Variants in MED1 observed in about 807,000 individuals in gnomAD.
The protein encoded by MED1 is mediator complex subunit 1.
In MED1, 17 loss-of-function variants were observed where a neutral mutation model predicts 121.3. The observed-to-expected ratio is 0.14, with a 90% CI of 0.10 to 0.21. The LOEUF is 0.21. Among genes scored for constraint, MED1 ranks in the 10% least tolerant of loss-of-function variants. The pLI is 1.00. For synonymous variants in MED1, 661 were observed against 694.4 expected (o/e 0.95, Z 0.76); for missense variants, 1,558 against 1,919.4 (o/e 0.81, Z 3.52).
At chr17:39,424,032 G>C (rs187002998) in intron 11 of MED1, among the ~76,000 whole-genome samples, 8 of 151,940 alleles carry the variant, frequency 5.3e-5, no homozygotes, top group Non-Finnish European at 1.0e-4. Context: ...ACAGGTGCCC[G>C]CCACCACGCC....
rs2048487493 is a variant in MED1 at position 39,423,615 on chromosome 17, TG to T, written c.976+81del. 3 of 1,580,374 alleles carry T rather than the reference TG, an allele frequency of 1.9e-6. No individual in the cohort carries two copies. In the East Asian group the frequency reaches 6.7e-5, roughly 35 times the overall value. ...AATACTTCAATGAGGCATGTAAGAC[TG>T]AAAGACGTCATGATAACCTGACTTT... On this transcript the variant is annotated intron_variant, in intron 12 of 16. Transcript: ENST00000300651.
At chr17:39,443,871 G>C (rs1444132537) in intron 2 of MED1, among the ~76,000 whole-genome samples, 1 of 152,122 alleles carries the variant, frequency 6.6e-6, no homozygotes. Context: ...GCTCATGCCT[G>C]TAATTCTAGC....
At chr17:39,417,943 A>C (rs1349226042) in intron 14 of MED1, among the ~76,000 whole-genome samples, 1 of 151,838 alleles carries the variant, frequency 6.6e-6, no homozygotes, top group East Asian at 1.9e-4. Context: ...TGATGGTGAA[A>C]CCCCATCTCT....
intron 2 of MED1, among the ~76,000 whole-genome samples, chr17:39,445,023 G>T (rs2048713526): frequency 6.6e-6 from 1 of 152,070 alleles, no homozygotes; most frequent in Non-Finnish European, 1.5e-5. Flanking sequence ...TTTCCATGTT[G>T]CAAATAAATC....
At chr17:39,418,506 C>A (rs1237783382) in intron 14 of MED1, among the ~76,000 whole-genome samples, 5 of 151,370 alleles carry the variant, frequency 3.3e-5, no homozygotes, top group African/African-American at 1.2e-4. Flanking sequence ...GTGGTTCAGT[C>A]TGGGCAACAG....
Position 39,405,421 on chromosome 17 carries a change from A to C in MED1, c.*2054T>G. 2 of 1,426,686 alleles carry C rather than the reference A, an allele frequency of 1.4e-6. No homozygotes were observed. Among genetic ancestry groups the C allele is most frequent in the Non-Finnish European group, 9.3e-7 (1 of 1,081,010 alleles). The allele number at this position is 1,426,686 out of a possible 1,614,324, so 88.4% of individuals were successfully genotyped here. A position where few individuals can be genotyped will look rare whatever the true frequency, so the allele number is the denominator to read the frequency against. Reference sequence around the variant, plus strand: ...TACTATTCAGTACATTCCCCCTAAGATTCTCCCCACTCAGAACAAATTTTA... The same window carrying C: ...TACTATTCAGTACATTCCCCCTAAGCTTCTCCCCACTCAGAACAAATTTTA... On this transcript the variant is annotated 3_prime_UTR_variant, in exon 17 of 17. Transcript: ENST00000300651.
chr17:39,448,130 T>C (rs1335653777), intron 1 of MED1, among the ~76,000 whole-genome samples: 1 of 150,350 alleles, frequency 6.7e-6, no homozygotes. Context: ...CTGTTATCTA[T>C]CCACCTTTTT....
At chr17:39,431,257 G>T in intron 8 of MED1, 69 bp from the exon 9 acceptor site, 1 of 1,239,976 alleles carries the variant, frequency 8.1e-7, no homozygotes, top group South Asian at 1.3e-5. Flanking sequence ...CTGTGATATT[G>T]AGTTCACCTC....
At position 39,424,496 on chromosome 17, in the gene MED1, A is replaced by G. The variant is rs992105683; in HGVS notation, c.851+131T>C. 10 of 617,300 alleles carry G rather than the reference A, an allele frequency of 1.6e-5. No homozygotes were observed. The African/African-American group carries it at 1.9e-4, about 12-fold the overall frequency. The allele number at this position is 617,300 out of a possible 1,614,324, so 38.2% of individuals were successfully genotyped here. A position where few individuals can be genotyped will look rare whatever the true frequency, so the allele number is the denominator to read the frequency against. On this transcript the variant is annotated intron_variant, in intron 11 of 16. Coordinates refer to ENST00000300651, the MANE Select transcript of MED1 (RefSeq NM_004774.4). ...ACACTCAGATATCAAACAAAAGAGA[A>G]ACCAATGAATGGATAAAACAAAAGG...
chr17:39,405,009 AATAC>A lies in MED1; in HGVS notation c.*2462_*2465del. ...AGAAGAGGAATCAGGTCAAACTGAG[AATAC>A]ATAAGACACCAGCAGCAGAAGATAG... is the stretch of plus-strand genomic sequence containing the variant. On this transcript the variant is annotated 3_prime_UTR_variant, in exon 17 of 17. Coordinates refer to ENST00000300651, the MANE Select transcript of MED1 (RefSeq NM_004774.4). 1 of 504,340 alleles carries A rather than the reference AATAC, an allele frequency of 2.0e-6. No individual in the cohort carries two copies. The highest frequency in any genetic ancestry group is 3.4e-6 in the Non-Finnish European group (1 of 294,158). The allele number at this position is 504,340 out of a possible 1,614,324, so 31.2% of individuals were successfully genotyped here. A position where few individuals can be genotyped will look rare whatever the true frequency, so the allele number is the denominator to read the frequency against.
intron 2 of MED1, among the ~76,000 whole-genome samples, chr17:39,444,405 G>A (rs916827411): frequency 2.6e-5 from 4 of 152,028 alleles, no homozygotes; most frequent in African/African-American, 7.2e-5. Context: ...TACTCAGCAG[G>A]CTGAGGCAGG....
chr17:39,441,976 G>A (rs531395199), intron 3 of MED1, among the ~76,000 whole-genome samples: 2 of 151,092 alleles, frequency 1.3e-5, no homozygotes, highest in East Asian at 2.0e-4. Flanking sequence ...GGTAATGGGC[G>A]CCTGTAATCC....
intron 11 of MED1, 121 bp from the exon 12 acceptor site, chr17:39,423,942 G>C: frequency 8.4e-7 from 1 of 1,192,844 alleles, no homozygotes; most frequent in Non-Finnish European, 1.1e-6. Flanking sequence ...GAGTGCAATG[G>C]CGTGATCTTG....
chr17:39,440,707 A>C lies in MED1; in HGVS notation c.212-30T>G. On this transcript the variant is annotated intron_variant, in intron 3 of 16. Coordinates refer to ENST00000300651, the MANE Select transcript of MED1 (RefSeq NM_004774.4). The surrounding 1 kb of genome is among the most constrained non-coding windows in gnomAD (Gnocchi z 4.1). ...AAAAGGATGAAAAAAGGAGTCACAA[A>C]GAATGCTCCAAATGACTTAAATGAT... is the stretch of plus-strand genomic sequence containing the variant. The C allele has an allele frequency of 6.3e-7, 1 of 1,579,600 alleles. No individual in the cohort carries two copies. Among genetic ancestry groups the C allele is most frequent in the East Asian group, 2.2e-5 (1 of 44,726 alleles).
intron 6 of MED1, among the ~76,000 whole-genome samples, chr17:39,437,073 C>T (rs1474069046): frequency 6.6e-6 from 1 of 152,096 alleles, no homozygotes; most frequent in East Asian, 1.9e-4. Context: ...GCTGAGATTA[C>T]AAGCATGTGC....
In MED1 at chr17:39,431,167, G is replaced by A. The variant is rs1002122252; in HGVS notation, c.597C>T (p.Pro199=). 30 of 1,613,308 alleles carry A rather than the reference G, an allele frequency of 1.9e-5. No individual in the cohort carries two copies. Among genetic ancestry groups the A allele is most frequent in the African/African-American group, 2.7e-5 (2 of 75,022 alleles). Residue 199 remains proline (P), a synonymous_variant, in exon 9 of 17, where the codon CCC becomes CCT. Coordinates refer to ENST00000300651, the MANE Select transcript of MED1 (RefSeq NM_004774.4). ...CACTTCCATGAAGAATCTTATCCAA[G>A]GGACCAGCATTAGTTGCTTTCCTGT... ...IMYWKATNAG[P]LDKILHGSVG... is the part of the protein sequence containing the mutation.
At chr17:39,432,796 G>A (rs1182154796) in intron 7 of MED1, among the ~76,000 whole-genome samples, 2 of 151,896 alleles carry the variant, frequency 1.3e-5, no homozygotes, top group African/African-American at 4.8e-5. Context: ...CAGGCGCGGT[G>A]GCTCACGCCT....
At position 39,409,397 on chromosome 17, in the gene MED1, C is replaced by T. The variant is rs755948444; in HGVS notation, c.2824G>A (p.Ala942Thr). The change falls in exon 17 of 17, where the codon GCT becomes ACT. Residue 942 changes from alanine (A) to threonine (T), a missense_variant. Ala to Thr is a moderately conservative substitution (Grantham distance 58). Coordinates refer to ENST00000300651, the MANE Select transcript of MED1 (RefSeq NM_004774.4). ...SIISVAGKAL[A>T]PADLMEHHSG... Reference sequence around the variant, plus strand: ...TGATGCTCCATAAGATCTGCAGGAGCTAAAGCTTTGCCGGCTACTGAAATA... The same window carrying T: ...TGATGCTCCATAAGATCTGCAGGAGTTAAAGCTTTGCCGGCTACTGAAATA... 55 of 1,613,998 alleles carry T rather than the reference C, an allele frequency of 3.4e-5. No homozygotes were observed. Among genetic ancestry groups the T allele is most frequent in the African/African-American group, 1.2e-4 (9 of 74,872 alleles).
chr17:39,430,223 A>G (rs756594885), intron 9 of MED1, among the ~76,000 whole-genome samples: 3 of 152,118 alleles, frequency 2.0e-5, no homozygotes, highest in Non-Finnish European at 4.4e-5. Flanking sequence ...CATCTCTACT[A>G]AAAATACAAA....
Sources: allele counts gnomAD v4.1 joint callset (sites outside exome capture counted in the v4.1 genomes callset), GRCh38; gene constraint gnomAD v4.1.1; non-coding constraint Gnocchi (gnomAD v3.1); transcripts MANE v1.5; gene names NCBI Gene and HGNC (gene_info 2026-07-23, HGNC 2026-07-21).